DOCK3: variants seen among roughly 807,000 people sequenced by gnomAD.
DOCK3 encodes dedicator of cytokinesis 3, also known as dedicator of cytokinesis protein 3.
Under a neutral mutation model 265.6 loss-of-function variants are expected in DOCK3, and 60 were observed. The observed-to-expected ratio is 0.23, with a 90% CI of 0.18 to 0.28. The LOEUF (loss-of-function observed/expected upper bound fraction) is 0.28, where lower values mean the gene tolerates loss of function less well. Ranked by LOEUF, DOCK3 falls within the 10% of genes least tolerant of loss-of-function variation. The pLI is 1.00. For missense variants in DOCK3, 1,981 were observed against 2,594.3 expected (o/e 0.76, Z 5.14); for synonymous variants, 881 against 938.0 (o/e 0.94, Z 1.11).
intron 1 of DOCK3, among the ~76,000 whole-genome samples, chr3:50,708,239 G>T (rs546470725): frequency 6.6e-6 from 1 of 152,302 alleles, no homozygotes; most frequent in East Asian, 1.9e-4. Context: ...TCCTGCTGCT[G>T]GAGGGGTTGA....
chr3:51,120,884 G>C (rs1171788374), intron 9 of DOCK3, among the ~76,000 whole-genome samples: 1 of 152,176 alleles, frequency 6.6e-6, no homozygotes, highest in Admixed American at 6.5e-5. Context: ...CAAGCCAGTT[G>C]ATCTTAGCTT....
intron 1 of DOCK3, among the ~76,000 whole-genome samples, chr3:50,757,957 C>T (rs1327197794): frequency 6.6e-6 from 1 of 151,740 alleles, no homozygotes; most frequent in Non-Finnish European, 1.5e-5. Context: ...GGGCAGATCA[C>T]GAGGTCAGGA....
intron 10 of DOCK3, among the ~76,000 whole-genome samples, chr3:51,148,425 T>C (rs2085405603): frequency 6.6e-6 from 1 of 152,224 alleles, no homozygotes; most frequent in African/African-American, 2.4e-5. Context: ...CCAATGCCTA[T>C]GTCCTGAATG....
chr3:51,314,259 A>G (rs961757418), intron 31 of DOCK3, among the ~76,000 whole-genome samples: 1 of 152,198 alleles, frequency 6.6e-6, no homozygotes, highest in Non-Finnish European at 1.5e-5. Context: ...GGAAACCCAC[A>G]TCACACACTT....
intron 12 of DOCK3, among the ~76,000 whole-genome samples, chr3:51,189,543 T>C (rs955371337): frequency 3.9e-5 from 6 of 152,232 alleles, no homozygotes; most frequent in African/African-American, 1.4e-4. Context: ...GTTACTTCAC[T>C]TACAATAAGG....
chr3:50,809,442 G>A (rs2106730810), intron 2 of DOCK3, among the ~76,000 whole-genome samples: 1 of 152,248 alleles, frequency 6.6e-6, no homozygotes, highest in South Asian at 2.1e-4. Context: ...AATGTCGATC[G>A]GTTGTTACTC....
At position 50,953,994 on chromosome 3, in the gene DOCK3, G is replaced by A. The variant is rs533332346; in HGVS notation, c.315+19917G>A. 2.0e-5 allele frequency among the ~76,000 whole-genome samples: 3 copies of A among 151,988 alleles called. No homozygotes were observed. The South Asian group carries it at 6.2e-4, about 32-fold the overall frequency. On this transcript the variant is annotated intron_variant, in intron 5 of 52. Coordinates refer to ENST00000266037, the MANE Select transcript of DOCK3 (RefSeq NM_004947.5). Reference sequence around the variant, plus strand: ...TGTATAGTTCAGTGGTATTAAGTACGTTCACATTGTTATGCAATCCCCACC... The same window carrying A: ...TGTATAGTTCAGTGGTATTAAGTACATTCACATTGTTATGCAATCCCCACC...
At chr3:51,249,875 C>G (rs1456422174) in intron 22 of DOCK3, among the ~76,000 whole-genome samples, 1 of 144,398 alleles carries the variant, frequency 6.9e-6, no homozygotes, top group Non-Finnish European at 1.5e-5. Flanking sequence ...GGATGGTTGC[C>G]GTGTCTGTGT....
At chr3:51,076,951 G>C (rs1342740641) in intron 7 of DOCK3, among the ~76,000 whole-genome samples, 1 of 152,160 alleles carries the variant, frequency 6.6e-6, no homozygotes, top group Non-Finnish European at 1.5e-5. Flanking sequence ...AGACCATGAA[G>C]AGCTTTGTAT....
chr3:50,778,681 G>T lies in DOCK3; in HGVS notation c.44G>T (p.Cys15Phe). The T allele has an allele frequency of 6.3e-7, 1 of 1,582,922 alleles. No individual in the cohort carries two copies. Among genetic ancestry groups the T allele is most frequent in the South Asian group, 1.2e-5 (1 of 86,104 alleles). Residue 15 changes from cysteine (C) to phenylalanine (F), a missense_variant, in exon 2 of 53, where the codon TGC becomes TTC. This residue lies in a region of DOCK3 where 456 missense variants were observed against 539.0 expected (regional missense o/e 0.85). Coordinates refer to ENST00000266037, the MANE Select transcript of DOCK3 (RefSeq NM_004947.5). The stretch of plus-strand genomic sequence containing the variant: ...TTTATCCTTGCTTTTCTAGTGATAT[G>T]CAGCTTTCGAGGATCTGTCCCTCAA... ...TEEEKYGVVI[C>F]SFRGSVPQGL...
chr3:51,184,452 A>T (rs1265857165), intron 12 of DOCK3, among the ~76,000 whole-genome samples: 12 of 152,260 alleles, frequency 7.9e-5, no homozygotes, highest in African/African-American at 2.2e-4. Context: ...AAATTTTTTT[A>T]AAATTTTAGA....
At chr3:51,356,372 C>A in intron 42 of DOCK3, 35 bp from the exon 43 acceptor site, 1 of 1,613,180 alleles carries the variant, frequency 6.2e-7, no homozygotes, top group South Asian at 1.1e-5. Context: ...CAAAACTTGC[C>A]TAACTGCCCA....
intron 1 of DOCK3, among the ~76,000 whole-genome samples, chr3:50,771,783 G>A (rs576724345): frequency 6.6e-5 from 10 of 152,172 alleles, no homozygotes; most frequent in East Asian, 1.9e-4. Context: ...CCCGGGAGGC[G>A]GAGCTTGCAC....
intron 2 of DOCK3, among the ~76,000 whole-genome samples, chr3:50,815,276 A>G (rs112185406): frequency 1.8e-4 from 28 of 152,244 alleles, no homozygotes; most frequent in African/African-American, 6.7e-4. Context: ...TGATTAATTC[A>G]TAGCTTATCT....
rs573855207 is a variant in DOCK3 at position 51,280,039 on chromosome 3, C to T, written c.2824-67C>T. On this transcript the variant is annotated intron_variant, in intron 26 of 52. Transcript: ENST00000266037. ...AGACCCTCCCTTCTCTCCTTGCCCT[C>T]TATGGATTGGGGGAACACAGCCCTT... The T allele has an allele frequency of 3.0e-6, 4 of 1,340,044 alleles. No homozygotes were observed. In the South Asian group the frequency reaches 3.8e-5, roughly 13 times the overall value. 83.0% of individuals were successfully genotyped at this position (1,340,044 alleles called of 1,614,324 possible). A position where few individuals can be genotyped will look rare whatever the true frequency, so the allele number is the denominator to read the frequency against.
At chr3:51,015,890 GATATATATCATATATATGAT>G (rs1319036021) in intron 5 of DOCK3, among the ~76,000 whole-genome samples, 1 of 138 alleles carries the variant, frequency 7.2e-3, no homozygotes, top group Non-Finnish European at 0.012. Context: ...TTCTATATAT[GATATATATCATATATATGAT>G]ATATATATCA....
intron 5 of DOCK3, among the ~76,000 whole-genome samples, chr3:50,950,511 T>G (rs2076561379): frequency 6.7e-6 from 1 of 148,456 alleles, no homozygotes; most frequent in Non-Finnish European, 1.5e-5. Flanking sequence ...TGTAGATTTC[T>G]TCTTTAAACC....
intron 1 of DOCK3, among the ~76,000 whole-genome samples, chr3:50,735,137 A>AT (rs2108165257): frequency 6.6e-6 from 1 of 151,982 alleles, no homozygotes; most frequent in Admixed American, 6.6e-5. Context: ...ATAGTATTCC[A>AT]TTTTCTCCTG....
chr3:50,843,138 A>C (rs995566686), intron 3 of DOCK3, among the ~76,000 whole-genome samples: 2 of 152,222 alleles, frequency 1.3e-5, no homozygotes, highest in Non-Finnish European at 2.9e-5. Context: ...ATCTTCCTAC[A>C]CAATGAAGTA....
Sources: allele counts gnomAD v4.1 joint callset (sites outside exome capture counted in the v4.1 genomes callset), GRCh38; gene constraint gnomAD v4.1.1; regional missense constraint gnomAD v4.1.1; transcripts MANE v1.5; gene names NCBI Gene and HGNC (gene_info 2026-07-23, HGNC 2026-07-21).